RXRA: variants seen among roughly 807,000 people sequenced by gnomAD.
RXRA encodes retinoid X receptor alpha, also known as retinoic acid receptor RXR-alpha.
Under a neutral mutation model 44.5 loss-of-function variants are expected in RXRA, and 5 were observed. That is an observed-to-expected ratio of 0.11 (90% CI 0.06 to 0.24). The LOEUF is 0.24. RXRA is among the 10% of genes least tolerant of loss of function. RXRA has a pLI of 1.00. For synonymous variants in RXRA, 291 were observed against 271.4 expected, an observed-to-expected ratio of 1.07 and a Z score of -0.71; for missense variants, 412 against 646.5, an observed-to-expected ratio of 0.64 and a Z score of 3.93.
At chr9:134,359,047 G>A (rs550005891) in intron 1 of RXRA, among the ~76,000 whole-genome samples, 224 of 152,316 alleles carry the variant, frequency 1.5e-3, no homozygotes, top group African/African-American at 4.3e-3. Flanking sequence ...GGGGGCTGCC[G>A]TGTGGGAGAG....
chr9:134,425,013 C>T (rs922236428), intron 6 of RXRA: 6 of 985,330 alleles, frequency 6.1e-6, no homozygotes, highest in African/African-American at 5.2e-5. Context: ...GCGACAGCAA[C>T]GATGGGAATG....
At position 134,342,632 on chromosome 9, in the gene RXRA, G is replaced by T. The variant is rs1830099733; in HGVS notation, c.28+15973G>T. On this transcript the variant is annotated intron_variant, in intron 1 of 9. Transcript: ENST00000481739. The surrounding 1 kb of genome is among the most constrained non-coding windows in gnomAD (Gnocchi z 4.4). ...TGCTGTGAGCCCAGGCAGGTGGTGG[G>T]GCTGCGGGGCTGCGGGAGGAGGCCC... Among the ~76,000 whole-genome samples, 1 of 152,148 alleles carries T rather than the reference G, an allele frequency of 6.6e-6. No individual in the cohort carries two copies. The highest frequency in any genetic ancestry group is 1.5e-5 in the Non-Finnish European group (1 of 68,002).
intron 1 of RXRA, among the ~76,000 whole-genome samples, chr9:134,357,833 T>C (rs1301681175): frequency 6.6e-6 from 1 of 152,206 alleles, no homozygotes; most frequent in Non-Finnish European, 1.5e-5. Flanking sequence ...GTTTGTTTAT[T>C]GGTTTTTCCC....
intron 6 of RXRA, chr9:134,424,734 T>G: frequency 1.0e-6 from 1 of 985,436 alleles, no homozygotes; most frequent in Non-Finnish European, 1.2e-6. Flanking sequence ...AGGACCTGGG[T>G]TAACTCCAAG....
intron 1 of RXRA, among the ~76,000 whole-genome samples, chr9:134,344,662 G>T (rs1554748516): frequency 6.6e-6 from 1 of 152,116 alleles, no homozygotes; most frequent in African/African-American, 2.4e-5. Context: ...GCCCTCTGTG[G>T]CTCCCCAGGG....
At chr9:134,424,794 G>T in intron 6 of RXRA, 8 of 985,464 alleles carry the variant, frequency 8.1e-6, no homozygotes, top group Non-Finnish European at 9.6e-6. Flanking sequence ...TCCCCCTCCA[G>T]GGGGCTCAGG....
At chr9:134,345,673 A>G (rs998373617) in intron 1 of RXRA, among the ~76,000 whole-genome samples, 1 of 152,202 alleles carries the variant, frequency 6.6e-6, no homozygotes, top group Non-Finnish European at 1.5e-5. Flanking sequence ...GAAACCTGGA[A>G]CCGAAAAAGA....
Position 134,342,652 on chromosome 9 carries a change from A to G in RXRA, c.28+15993A>G, listed in dbSNP as rs12000203. Among the ~76,000 whole-genome samples, 29,563 of 151,980 alleles carry G rather than the reference A, an allele frequency of 0.19. 2,959 individuals are homozygous for G. The highest frequency in any genetic ancestry group is 0.23 in the Middle Eastern group (68 of 294). On this transcript the variant is annotated intron_variant, in intron 1 of 9. Coordinates refer to ENST00000481739, the MANE Select transcript of RXRA (RefSeq NM_002957.6). This position sits in a 1 kb window ranked among gnomAD's most constrained non-coding sequence, Gnocchi z 4.4. ...GGTGGGGCTGCGGGGCTGCGGGAGG[A>G]GGCCCCTGTGGTTCCCACAGGGCCA...
intron 6 of RXRA, chr9:134,422,888 G>T (rs1831371232): frequency 1.0e-6 from 1 of 985,330 alleles, no homozygotes; most frequent in African/African-American, 1.7e-5. Flanking sequence ...GGAGAGCCAC[G>T]TGCTCTCTGC....
At chr9:134,406,205 G>C (rs941895550) in intron 2 of RXRA, 2 of 152,066 alleles carry the variant, frequency 1.3e-5, no homozygotes, top group Admixed American at 1.3e-4. Context: ...AGACAAGCCT[G>C]GGCAACATAG....
chr9:134,426,494 G>A lies in RXRA; in HGVS notation c.911-2614G>A. The A allele has an allele frequency of 1.0e-6, 1 of 985,464 alleles. No homozygotes were observed. Among genetic ancestry groups the A allele is most frequent in the Non-Finnish European group, 1.2e-6 (1 of 829,934 alleles). The allele number at this position is 985,464 out of a possible 1,614,324, so 61.0% of individuals were successfully genotyped here. On this transcript the variant is annotated intron_variant, in intron 6 of 9. Coordinates refer to ENST00000481739, the MANE Select transcript of RXRA (RefSeq NM_002957.6). The surrounding 1 kb of genome is among the most constrained non-coding windows in gnomAD (Gnocchi z 4.6). ...GGACAGGGGAGCTGAGATGCAGCCG[G>A]CGTGCCGGAGGGTGCAGAGAGAGAC... is the stretch of plus-strand genomic sequence containing the variant.
intron 1 of RXRA, among the ~76,000 whole-genome samples, chr9:134,328,923 G>A (rs532102701): frequency 9.2e-5 from 14 of 152,336 alleles, no homozygotes; most frequent in African/African-American, 3.4e-4. Flanking sequence ...GCAGGGATGA[G>A]TGCAGCGTCC....
intron 1 of RXRA, among the ~76,000 whole-genome samples, chr9:134,395,220 T>C (rs564551143): frequency 6.6e-6 from 1 of 152,254 alleles, no homozygotes; most frequent in South Asian, 2.1e-4. Context: ...CTGGCAGGAC[T>C]GTGGCGTTGT....
At chr9:134,423,691 G>T in intron 6 of RXRA, 3 of 985,484 alleles carry the variant, frequency 3.0e-6, no homozygotes, top group Non-Finnish European at 3.6e-6. Context: ...TGCCGTTGCG[G>T]GCTCAGACTT....
rs907621235 is a variant in RXRA at position 134,392,098 on chromosome 9, C to G, written c.29-9534C>G. ...CTTGGTGCAGTGTGCAGGGCAAGCCCCGGTGTCAGAGCCTCCATTTTGCAG... is the reference window on the plus strand; with the variant it reads ...CTTGGTGCAGTGTGCAGGGCAAGCCGCGGTGTCAGAGCCTCCATTTTGCAG... On this transcript the variant is annotated intron_variant, in intron 1 of 9. Transcript: ENST00000481739. Among the ~76,000 whole-genome samples, 2 of 152,204 alleles carry G rather than the reference C, an allele frequency of 1.3e-5. 1 individual carries two copies. The highest frequency in any genetic ancestry group is 4.1e-4 in the South Asian group (2 of 4,836).
intron 1 of RXRA, among the ~76,000 whole-genome samples, chr9:134,376,021 T>C (rs1483714431): frequency 7.1e-6 from 1 of 139,880 alleles, no homozygotes; most frequent in Non-Finnish European, 1.5e-5. Context: ...CTTCTCCGCA[T>C]GCGGGCAGAT....
At position 134,329,673 on chromosome 9, in the gene RXRA, G is replaced by A. The variant is rs534088895; in HGVS notation, c.28+3014G>A. Among the ~76,000 whole-genome samples the A allele has an allele frequency of 4.6e-5, 7 of 152,268 alleles. No individual in the cohort carries two copies. The South Asian group carries it at 1.2e-3, about 27-fold the overall frequency. ...CGGGCAGCTGCTGTGACTGGCTCCC[G>A]GCTCTGCCAGCACCTGGTGGTTCTT... On this transcript the variant is annotated intron_variant, in intron 1 of 9. Coordinates refer to ENST00000481739, the MANE Select transcript of RXRA (RefSeq NM_002957.6).
chr9:134,336,609 C>T (rs569524937), intron 1 of RXRA, among the ~76,000 whole-genome samples: 7 of 152,326 alleles, frequency 4.6e-5, no homozygotes, highest in African/African-American at 1.7e-4. Flanking sequence ...CCGTGGGGCC[C>T]TCAGACCTCA....
In RXRA at chr9:134,417,931, C is replaced by T. The variant is rs1831267103; in HGVS notation, c.780+604C>T. 6.6e-6 allele frequency among the ~76,000 whole-genome samples: 1 copy of T among 152,038 alleles called. No individual in the cohort carries two copies. The highest frequency in any genetic ancestry group is 2.4e-5 in the African/African-American group (1 of 41,422). On this transcript the variant is annotated intron_variant, in intron 5 of 9. Coordinates refer to ENST00000481739, the MANE Select transcript of RXRA (RefSeq NM_002957.6). The surrounding 1 kb of genome is among the most constrained non-coding windows in gnomAD (Gnocchi z 6.1). ...GGAGGAGGATTGGGTGGGCCGCAGC[C>T]CTGGTCCCGGGCTCTTCTCCTGGGC...
Sources: allele counts gnomAD v4.1 joint callset (sites outside exome capture counted in the v4.1 genomes callset), GRCh38; gene constraint gnomAD v4.1.1; non-coding constraint Gnocchi (gnomAD v3.1); transcripts MANE v1.5; gene names NCBI Gene and HGNC (gene_info 2026-07-23, HGNC 2026-07-21).